Variants in DIP2C observed in about 807,000 individuals in gnomAD.
The protein encoded by DIP2C is DIP2 acetate--CoA ligase C (putative).
A neutral mutation model predicts 192.4 loss-of-function variants in DIP2C; 33 were observed. The observed-to-expected ratio is 0.17, with a 90% CI of 0.13 to 0.23. The LOEUF (loss-of-function observed/expected upper bound fraction) is 0.23, where lower values mean the gene tolerates loss of function less well. Among genes scored for constraint, DIP2C ranks in the 10% least tolerant of loss-of-function variants. The pLI is 1.00. For missense variants in DIP2C, 1,537 were observed against 2,110.1 expected, an observed-to-expected ratio of 0.73 and a Z score of 5.32; for synonymous variants, 979 against 864.1, an observed-to-expected ratio of 1.13 and a Z score of -2.33.
chr10:554,348 C>T (rs752310659), intron 1 of DIP2C, among the ~76,000 whole-genome samples: 52 of 152,324 alleles, frequency 3.4e-4, no homozygotes, highest in Non-Finnish European at 7.1e-4. Flanking sequence ...GATTCATTTC[C>T]ATCTGCAGTG....
chr10:277,700 G>A (rs1954586248), intron 36 of DIP2C, 123 bp from the exon 37 acceptor site: 3 of 1,312,330 alleles, frequency 2.3e-6, no homozygotes, highest in Middle Eastern at 2.5e-4. Flanking sequence ...GTCTCCTCCG[G>A]CCTCTCCACG....
At chr10:606,724 A>C (rs562844142) in intron 1 of DIP2C, among the ~76,000 whole-genome samples, 2 of 152,354 alleles carry the variant, frequency 1.3e-5, no homozygotes, top group African/African-American at 4.8e-5. Flanking sequence ...GCCTCCTTGC[A>C]AACAACAAAA....
chr10:431,461 A>G lies in DIP2C; in HGVS notation c.395-8428T>C, dbSNP rs1472755255. On this transcript the variant is annotated intron_variant, in intron 4 of 36. Coordinates refer to ENST00000280886, the MANE Select transcript of DIP2C (RefSeq NM_014974.3). ...ACTGGAAATTTTTTTTTAAATTATT[A>G]TTTTTAGTACAGATGGGGTTTTGCC... Among the ~76,000 whole-genome samples the G allele has an allele frequency of 2.0e-5, 3 of 152,112 alleles. No homozygotes were observed. In the East Asian group the frequency reaches 5.8e-4, roughly 29 times the overall value.
chr10:457,676 C>A (rs577196152), intron 3 of DIP2C, among the ~76,000 whole-genome samples: 1 of 152,190 alleles, frequency 6.6e-6, no homozygotes, highest in Non-Finnish European at 1.5e-5. Context: ...CCACCTCAGC[C>A]CCCTGGGTAG....
intron 1 of DIP2C, among the ~76,000 whole-genome samples, chr10:647,405 T>C (rs1384191401): frequency 2.0e-5 from 3 of 149,734 alleles, no homozygotes; most frequent in Non-Finnish European, 3.0e-5. Flanking sequence ...CATTGGATGG[T>C]GGGAGAGAAC....
At chr10:356,886 G>A (rs901037298) in intron 23 of DIP2C, among the ~76,000 whole-genome samples, 2 of 152,252 alleles carry the variant, frequency 1.3e-5, no homozygotes, top group Non-Finnish European at 2.9e-5. Context: ...GCTTCCAGAA[G>A]ATGCAAAGCG....
rs147689133 is a variant in DIP2C at position 429,206 on chromosome 10, T to TC, written c.395-6174dup. Among the ~76,000 whole-genome samples the TC allele has an allele frequency of 3.1e-3, 284 of 90,894 alleles. 4 individuals carry two copies. Among genetic ancestry groups the TC allele is most frequent in the African/African-American group, 0.012 (204 of 17,368 alleles). The allele number at this position is 90,894 out of a possible 152,430, so 59.6% of individuals were successfully genotyped here. A position where few individuals can be genotyped will look rare whatever the true frequency, so the allele number is the denominator to read the frequency against. On this transcript the variant is annotated intron_variant, in intron 4 of 36. Transcript: ENST00000280886. ...CCTGCTTTGCCTATTCATCCCTGCC[T>TC]CCCCCCGGACCCTGGCTGCCTCCCC... is the stretch of plus-strand genomic sequence containing the variant.
chr10:579,865 G>A (rs933327715), intron 1 of DIP2C, among the ~76,000 whole-genome samples: 7 of 151,860 alleles, frequency 4.6e-5, no homozygotes, highest in East Asian at 1.9e-4. Context: ...ACATGCATAT[G>A]TACACTATAA....
chr10:532,720 TGAGAGAGA>T lies in DIP2C; in HGVS notation c.86-46198_86-46191del, dbSNP rs540626152. ...ATGGGTGTGAGAGAGAGTATGGGTG[TGAGAGAGA>T]GTATGGGTGTGAGAGAGAGTATGGG... On this transcript the variant is annotated intron_variant, in intron 1 of 36. Transcript: ENST00000280886. 4.7e-3 allele frequency among the ~76,000 whole-genome samples: 491 copies of T among 105,234 alleles called. 61 individuals carry two copies. Among genetic ancestry groups the T allele is most frequent in the Non-Finnish European group, 5.9e-3 (258 of 43,662 alleles). The allele number at this position is 105,234 out of a possible 152,430, so 69.0% of individuals were successfully genotyped here. A position where few individuals can be genotyped will look rare whatever the true frequency, so the allele number is the denominator to read the frequency against.
At chr10:445,712 G>A in intron 3 of DIP2C, among the ~76,000 whole-genome samples, 1 of 151,496 alleles carries the variant, frequency 6.6e-6, no homozygotes, top group East Asian at 1.9e-4. Flanking sequence ...GTTGTGAAGA[G>A]TCTCACAGTC....
chr10:508,738 C>T (rs191368013), intron 1 of DIP2C, among the ~76,000 whole-genome samples: 1 of 151,314 alleles, frequency 6.6e-6, no homozygotes, highest in Non-Finnish European at 1.5e-5. Flanking sequence ...CTAACCGCAG[C>T]GTCCAGAAGA....
At chr10:476,264 G>A (rs1361276973) in intron 2 of DIP2C, among the ~76,000 whole-genome samples, 1 of 152,170 alleles carries the variant, frequency 6.6e-6, no homozygotes, top group African/African-American at 2.4e-5. Flanking sequence ...CACCTGCTCA[G>A]CTATCATGCA....
chr10:537,385 A>G (rs989329659), intron 1 of DIP2C, among the ~76,000 whole-genome samples: 1 of 152,148 alleles, frequency 6.6e-6, no homozygotes, highest in Admixed American at 6.5e-5. Flanking sequence ...TAAAATACCC[A>G]TCGTTAACTA....
chr10:622,169 A>C (rs946587703), intron 1 of DIP2C, among the ~76,000 whole-genome samples: 10 of 149,958 alleles, frequency 6.7e-5, no homozygotes, highest in African/African-American at 2.5e-4. Context: ...GCCAAGTCGC[A>C]GCTGTTGATG....
chr10:518,111 T>G (rs1156618014), intron 1 of DIP2C, among the ~76,000 whole-genome samples: 1 of 152,178 alleles, frequency 6.6e-6, no homozygotes, highest in Non-Finnish European at 1.5e-5. Context: ...CAAGTCCTGG[T>G]CAGCTCGGTC....
intron 3 of DIP2C, among the ~76,000 whole-genome samples, chr10:461,678 C>A (rs377060632): frequency 1.3e-5 from 2 of 152,108 alleles, no homozygotes; most frequent in South Asian, 2.1e-4. Flanking sequence ...CTGGGCCAAG[C>A]GGACCTAATA....
At chr10:315,955 C>T (rs540306261) in intron 31 of DIP2C, among the ~76,000 whole-genome samples, 1 of 152,194 alleles carries the variant, frequency 6.6e-6, no homozygotes, top group African/African-American at 2.4e-5. Flanking sequence ...CCTATTAAAC[C>T]ATGGGAATTT....
chr10:539,544 C>CA (rs1197846220), intron 1 of DIP2C, among the ~76,000 whole-genome samples: 1 of 152,198 alleles, frequency 6.6e-6, no homozygotes, highest in Non-Finnish European at 1.5e-5. Flanking sequence ...AACCCACCCC[C>CA]ATGGGCACTG....
rs1032025092 is a variant in DIP2C at position 651,838 on chromosome 10, A to C, written c.85+37656T>G. 9.2e-6 allele frequency: 2 copies of C among 217,918 alleles called. No individual in the cohort carries two copies. Among genetic ancestry groups the C allele is most frequent in the Non-Finnish European group, 1.8e-5 (2 of 108,818 alleles). The allele number at this position is 217,918 out of a possible 1,614,324, so 13.5% of individuals were successfully genotyped here. A position where few individuals can be genotyped will look rare whatever the true frequency, so the allele number is the denominator to read the frequency against. ...GAGAGAGATGGTGTGGGGCGAAACC[A>C]ATGGGGAAACTACAAAAGAAACCAC... On this transcript the variant is annotated intron_variant, in intron 1 of 36. Transcript: ENST00000280886. The surrounding 1 kb of genome is among the most constrained non-coding windows in gnomAD (Gnocchi z 4.1).
Sources: gnomAD v4.1 joint callset for allele counts (sites outside exome capture counted in the v4.1 genomes callset) on GRCh38, gnomAD v4.1.1 for gene constraint, Gnocchi (gnomAD v3.1) non-coding constraint, MANE v1.5 for transcripts, NCBI Gene and HGNC (gene_info 2026-07-23, HGNC 2026-07-21) for gene names.